Variants in BANF2 observed in about 807,000 individuals in gnomAD.
BANF2 encodes the protein barrier-to-autointegration factor-like protein.
In BANF2, 4 loss-of-function variants were observed where a neutral mutation model predicts 8.0. That is an observed-to-expected ratio of 0.50 (90% CI 0.25 to 1.14). The LOEUF is 1.14. Ranked by LOEUF, BANF2 falls within the 50% of genes most tolerant of loss-of-function variation. The pLI, the probability that BANF2 is intolerant of heterozygous loss-of-function variation, is 0.16. For missense variants in BANF2, 96 were observed against 107.5 expected (o/e 0.89, Z 0.47); for synonymous variants, 50 against 40.6 (o/e 1.23, Z -0.88).
intron 3 of BANF2, among the ~76,000 whole-genome samples, chr20:17,732,913 G>C (rs2037920925): frequency 6.6e-6 from 1 of 152,210 alleles, no homozygotes; most frequent in Non-Finnish European, 1.5e-5. Flanking sequence ...GGGCCATGAT[G>C]GGAGCCCACG....
chr20:17,730,568 G>A (rs566238822), intron 3 of BANF2, among the ~76,000 whole-genome samples: 23 of 152,238 alleles, frequency 1.5e-4, no homozygotes, highest in African/African-American at 5.3e-4. Context: ...CTCGCATGCC[G>A]GCAGCCAACG....
At chr20:17,708,974 C>T (rs2037528149) in intron 1 of BANF2, among the ~76,000 whole-genome samples, 1 of 152,210 alleles carries the variant, frequency 6.6e-6, no homozygotes, top group Non-Finnish European at 1.5e-5. Flanking sequence ...ATTACTGAAA[C>T]TCCTATCTAT....
intron 3 of BANF2, among the ~76,000 whole-genome samples, chr20:17,732,960 G>C (rs1282556306): frequency 6.6e-6 from 1 of 152,216 alleles, no homozygotes; most frequent in Non-Finnish European, 1.5e-5. Flanking sequence ...GAAGTGCTCA[G>C]GGAAGAAGGG....
chr20:17,714,307 C>T (rs1475701976), intron 1 of BANF2, among the ~76,000 whole-genome samples: 2 of 151,880 alleles, frequency 1.3e-5, no homozygotes, highest in African/African-American at 2.4e-5. Flanking sequence ...AACTAATATG[C>T]TTGTCCATTC....
chr20:17,714,696 G>T (rs1480781679), intron 1 of BANF2, among the ~76,000 whole-genome samples: 3 of 152,112 alleles, frequency 2.0e-5, no homozygotes, highest in Non-Finnish European at 1.5e-5. Context: ...TGAAAAAATG[G>T]GCAATGTGAT....
At chr20:17,699,324 T>C (rs1164924743), upstream of BANF2, among the ~76,000 whole-genome samples, 1 of 152,242 alleles carries the variant, frequency 6.6e-6, no homozygotes, top group Non-Finnish European at 1.5e-5. Flanking sequence ...TTAGTAAATA[T>C]ACATTGTACC....
intron 1 of BANF2, among the ~76,000 whole-genome samples, chr20:17,701,555 A>G (rs1175805985): frequency 6.6e-6 from 1 of 152,194 alleles, no homozygotes; most frequent in Non-Finnish European, 1.5e-5. Context: ...TCAGCATGGA[A>G]GGGAACGGGA....
chr20:17,730,230 C>T (rs894402280), intron 3 of BANF2, among the ~76,000 whole-genome samples: 1 of 152,116 alleles, frequency 6.6e-6, no homozygotes, highest in Non-Finnish European at 1.5e-5. Context: ...TTTCCATTTT[C>T]CTGATTGGAA....
intron 1 of BANF2, among the ~76,000 whole-genome samples, chr20:17,717,805 T>C (rs909167115): frequency 6.6e-6 from 1 of 152,200 alleles, no homozygotes; most frequent in African/African-American, 2.4e-5. Context: ...GACTACTGTC[T>C]ATAATAGATG....
At chr20:17,708,555 T>G (rs1018845689) in intron 1 of BANF2, among the ~76,000 whole-genome samples, 1 of 152,178 alleles carries the variant, frequency 6.6e-6, no homozygotes, top group African/African-American at 2.4e-5. Flanking sequence ...GGGACCTCAG[T>G]CAGCTACACA....
rs367760632 is a variant in BANF2, at chr20:17,725,012, T to A, written c.-3-11T>A. The A allele has an allele frequency of 6.2e-7, 1 of 1,604,306 alleles. No homozygotes were observed. Among genetic ancestry groups the A allele is most frequent in the Non-Finnish European group, 8.5e-7 (1 of 1,171,748 alleles). The stretch of plus-strand genomic sequence containing the variant: ...TCTGCTAATCCTCCTCTCTCCCCAC[T>A]GCTGTCGCAGGAGATGGACAACATG... On this transcript the variant is annotated splice_polypyrimidine_tract_variant and intron_variant, in intron 2 of 3. Coordinates refer to ENST00000246090, the MANE Select transcript of BANF2 (RefSeq NM_178477.5).
chr20:17,705,797 G>A (rs2037473641), intron 1 of BANF2, among the ~76,000 whole-genome samples: 1 of 152,218 alleles, frequency 6.6e-6, no homozygotes, highest in Non-Finnish European at 1.5e-5. Context: ...ATGCTATGTT[G>A]AGGCATACTT....
intron 1 of BANF2, among the ~76,000 whole-genome samples, chr20:17,721,310 G>A (rs751134764): frequency 2.2e-4 from 33 of 152,212 alleles, no homozygotes; most frequent in East Asian, 1.9e-4. Flanking sequence ...GAGTTTCTGC[G>A]GGAGGTTGCC....
At chr20:17,698,395 C>T (rs923228581), upstream of BANF2, among the ~76,000 whole-genome samples, 2 of 152,116 alleles carry the variant, frequency 1.3e-5, no homozygotes, top group African/African-American at 2.4e-5. Context: ...AACTGTGAGC[C>T]AATTAAACCT....
chr20:17,702,678 A>C (rs1659209504), intron 1 of BANF2, among the ~76,000 whole-genome samples: 1 of 152,096 alleles, frequency 6.6e-6, no homozygotes, highest in African/African-American at 2.4e-5. Context: ...GCCTCATTTA[A>C]CCCTGGGGAA....
chr20:17,711,135 A>G (rs961421634), intron 1 of BANF2, among the ~76,000 whole-genome samples: 1 of 152,334 alleles, frequency 6.6e-6, no homozygotes, highest in Non-Finnish European at 1.5e-5. Flanking sequence ...AAATCTGGCA[A>G]CCCTACTCTG....
intron 3 of BANF2, among the ~76,000 whole-genome samples, chr20:17,735,305 A>G (rs1361797968): frequency 1.3e-5 from 2 of 152,160 alleles, no homozygotes; most frequent in Non-Finnish European, 2.9e-5. Flanking sequence ...GACCAGCAGC[A>G]GCTGGGAGCA....
chr20:17,716,856 A>AAG (rs1357536698), intron 1 of BANF2, among the ~76,000 whole-genome samples: 1 of 150,880 alleles, frequency 6.6e-6, no homozygotes, highest in African/African-American at 2.4e-5. Flanking sequence ...AAAAAAAAAA[A>AAG]AAAAAGAAAG....
At chr20:17,710,230 G>T (rs1277408827) in intron 1 of BANF2, among the ~76,000 whole-genome samples, 1 of 152,180 alleles carries the variant, frequency 6.6e-6, no homozygotes, top group African/African-American at 2.4e-5. Flanking sequence ...TGAGCCCTGG[G>T]GGGGACATGG....
Sources: gnomAD v4.1 joint callset for allele counts (sites outside exome capture counted in the v4.1 genomes callset) on GRCh38, gnomAD v4.1.1 for gene constraint, MANE v1.5 for transcripts, NCBI Gene and HGNC (gene_info 2026-07-23, HGNC 2026-07-21) for gene names.